Variants in AFG1L observed in about 807,000 individuals in gnomAD.
AFG1L encodes the protein AFG1-like ATPase.
Under a neutral mutation model 62.2 loss-of-function variants are expected in AFG1L, and 53 were observed. The observed-to-expected ratio is 0.85, with a 90% CI of 0.68 to 1.07. AFG1L has a LOEUF of 1.07. Ranked by LOEUF, AFG1L falls within the 50% of genes least tolerant of loss-of-function variation. The pLI is 0.00. For synonymous variants in AFG1L, 228 were observed against 210.3 expected, an observed-to-expected ratio of 1.08 and a Z score of -0.73; for missense variants, 555 against 590.5, an observed-to-expected ratio of 0.94 and a Z score of 0.62.
At chr6:108,377,873 AGG>A (rs1780318647) in intron 6 of AFG1L, among the ~76,000 whole-genome samples, 1 of 150,418 alleles carries the variant, frequency 6.6e-6, no homozygotes, top group Non-Finnish European at 1.5e-5. Flanking sequence ...TCTAAGGACT[AGG>A]GAAGTTTTCT....
chr6:108,304,997 C>T (rs756824356), intron 1 of AFG1L, among the ~76,000 whole-genome samples: 3 of 152,220 alleles, frequency 2.0e-5, no homozygotes, highest in African/African-American at 4.8e-5. Context: ...CCTAACTCTA[C>T]CTTCCTTGCA....
At chr6:108,355,980 A>G (rs574528459) in intron 4 of AFG1L, among the ~76,000 whole-genome samples, 1 of 152,340 alleles carries the variant, frequency 6.6e-6, no homozygotes, top group South Asian at 2.1e-4. Context: ...AGATTGCTGT[A>G]TGAAGCTCAG....
chr6:108,383,026 C>T (rs1360100936), intron 6 of AFG1L, among the ~76,000 whole-genome samples: 1 of 152,098 alleles, frequency 6.6e-6, no homozygotes, highest in Non-Finnish European at 1.5e-5. Flanking sequence ...TCACTTGAGG[C>T]CAGGAGTTGG....
intron 2 of AFG1L, among the ~76,000 whole-genome samples, chr6:108,338,910 T>A (rs1380140912): frequency 1.3e-5 from 2 of 152,182 alleles, no homozygotes; most frequent in Non-Finnish European, 2.9e-5. Flanking sequence ...GACAGAGTAG[T>A]CTTGCTGTGT....
chr6:108,463,553 A>G (rs1157119320), intron 8 of AFG1L, among the ~76,000 whole-genome samples: 1 of 152,120 alleles, frequency 6.6e-6, no homozygotes, highest in Non-Finnish European at 1.5e-5. Flanking sequence ...TATAGATTTG[A>G]TAGAAATTTT....
At chr6:108,376,015 C>T (rs762536938) in intron 6 of AFG1L, among the ~76,000 whole-genome samples, 15 of 151,948 alleles carry the variant, frequency 9.9e-5, no homozygotes, top group Middle Eastern at 3.2e-3. Flanking sequence ...TTTGGTGTTT[C>T]GATTTCTTTC....
intron 8 of AFG1L, among the ~76,000 whole-genome samples, chr6:108,459,921 G>A (rs1772388193): frequency 6.6e-6 from 1 of 152,124 alleles, no homozygotes; most frequent in Non-Finnish European, 1.5e-5. Flanking sequence ...TAAATCAATT[G>A]CTTCTTCAAC....
At chr6:108,427,954 A>G (rs1341005885) in intron 7 of AFG1L, among the ~76,000 whole-genome samples, 1 of 152,202 alleles carries the variant, frequency 6.6e-6, no homozygotes, top group African/African-American at 2.4e-5. Flanking sequence ...GTTATTATAT[A>G]TTTGTATTTC....
chr6:108,472,342 T>C (rs914950432), intron 8 of AFG1L, among the ~76,000 whole-genome samples: 35 of 152,248 alleles, frequency 2.3e-4, no homozygotes, highest in African/African-American at 7.9e-4. Flanking sequence ...GTGTATTGTA[T>C]ACTGGAAATT....
chr6:108,304,123 T>C (rs1013224957), intron 1 of AFG1L, among the ~76,000 whole-genome samples: 6 of 152,230 alleles, frequency 3.9e-5, no homozygotes, highest in Admixed American at 6.5e-5. Context: ...ATTTTTCTAT[T>C]TAAATCAAAA....
chr6:108,451,592 C>G (rs1306612666), intron 8 of AFG1L, among the ~76,000 whole-genome samples: 1 of 152,174 alleles, frequency 6.6e-6, no homozygotes, highest in African/African-American at 2.4e-5. Context: ...AAAACAGAGA[C>G]CTTGATTGCA....
intron 1 of AFG1L, among the ~76,000 whole-genome samples, chr6:108,316,131 C>T (rs867291729): frequency 2.6e-5 from 4 of 151,750 alleles, no homozygotes; most frequent in Admixed American, 6.6e-5. Flanking sequence ...CCTGTAATCC[C>T]AGCACTTTGC....
At chr6:108,352,465 G>A (rs938902928) in intron 3 of AFG1L, among the ~76,000 whole-genome samples, 1 of 152,110 alleles carries the variant, frequency 6.6e-6, no homozygotes, top group Admixed American at 6.6e-5. Context: ...TTTGTGTGTT[G>A]TCCTGTACAC....
chr6:108,485,625 A>AATATATATATAAATATAT (rs1773509034), intron 10 of AFG1L, among the ~76,000 whole-genome samples: 1 of 12,156 alleles, frequency 8.2e-5, no homozygotes, highest in Non-Finnish European at 1.5e-4. Flanking sequence ...TACGAATTTA[A>AATATATATATAAATATAT]ATATATATAT....
Position 108,382,282 on chromosome 6 carries a change from G to A in AFG1L, c.748+15950G>A, listed in dbSNP as rs565821143. ...CCCAAAGTGCTGGGATTACAGGTGTGAGCCACCGCGCCTGGCTATTCACTG... is the reference window on the plus strand; with the variant it reads ...CCCAAAGTGCTGGGATTACAGGTGTAAGCCACCGCGCCTGGCTATTCACTG... On this transcript the variant is annotated intron_variant, in intron 6 of 12. Coordinates refer to ENST00000368977, the MANE Select transcript of AFG1L (RefSeq NM_145315.5). 4.6e-5 allele frequency among the ~76,000 whole-genome samples: 7 copies of A among 152,202 alleles called. No homozygotes were observed. In the South Asian group the frequency reaches 1.0e-3, roughly 23 times the overall value.
At chr6:108,440,012 TGATA>T (rs1290120953) in intron 7 of AFG1L, among the ~76,000 whole-genome samples, 1 of 152,146 alleles carries the variant, frequency 6.6e-6, no homozygotes, top group African/African-American at 2.4e-5. Context: ...ATATATAATA[TGATA>T]GATGTCTACC....
intron 8 of AFG1L, among the ~76,000 whole-genome samples, chr6:108,448,571 G>A (rs9486884): frequency 0.069 from 10,521 of 151,962 alleles, 1,164 homozygotes; most frequent in African/African-American, 0.24. Flanking sequence ...ATGGTAGTCT[G>A]AGTCTAAATT....
At chr6:108,477,317 T>G in intron 10 of AFG1L, 25 bp downstream of exon 10, 1 of 1,394,618 alleles carries the variant, frequency 7.2e-7, no homozygotes, top group South Asian at 1.3e-5. Flanking sequence ...ACGTCCAGAC[T>G]CACTGGCCTT....
intron 10 of AFG1L, among the ~76,000 whole-genome samples, chr6:108,497,391 T>C (rs1184996135): frequency 6.6e-6 from 1 of 152,210 alleles, no homozygotes; most frequent in Non-Finnish European, 1.5e-5. Flanking sequence ...TATTCTTTGC[T>C]CCATGAATTG....
Sources: allele counts gnomAD v4.1 joint callset (sites outside exome capture counted in the v4.1 genomes callset), GRCh38; gene constraint gnomAD v4.1.1; transcripts MANE v1.5; gene names NCBI Gene and HGNC (gene_info 2026-07-23, HGNC 2026-07-21).